ZMYM4: variants seen among roughly 807,000 people sequenced by gnomAD.
The protein encoded by ZMYM4 is zinc finger MYM-type containing 4.
ZMYM4 carries 31 observed loss-of-function variants against 183.2 expected under a neutral mutation model. That is an observed-to-expected ratio of 0.17 (90% CI 0.13 to 0.23). The LOEUF is 0.23. ZMYM4 is among the 10% of genes least tolerant of loss of function. The pLI, the probability that ZMYM4 is intolerant of heterozygous loss-of-function variation, is 1.00. For missense variants in ZMYM4, 1,273 were observed against 1,840.3 expected (o/e 0.69, Z 5.64); for synonymous variants, 592 against 631.2 (o/e 0.94, Z 0.93).
chr1:35,401,684 C>T (rs1213871238), intron 23 of ZMYM4, among the ~76,000 whole-genome samples: 1 of 152,038 alleles, frequency 6.6e-6, no homozygotes, highest in African/African-American at 2.4e-5. Context: ...AAAATTTTTG[C>T]CTAACTCATA....
At chr1:35,287,171 G>T (rs1035543206) in intron 1 of ZMYM4, among the ~76,000 whole-genome samples, 32 of 150,638 alleles carry the variant, frequency 2.1e-4, no homozygotes, top group Non-Finnish European at 3.0e-5. Flanking sequence ...TATTCCCTCA[G>T]CTTGTATTTT....
At chr1:35,388,809 T>A in intron 13 of ZMYM4, 101 bp from the exon 14 acceptor site, 2 of 1,081,994 alleles carry the variant, frequency 1.8e-6, no homozygotes, top group Non-Finnish European at 2.7e-6. Context: ...GTGTTGGGAT[T>A]ACAGGTGTGA....
At chr1:35,381,156 C>A in intron 7 of ZMYM4, 103 bp from the exon 8 acceptor site, 2 of 923,816 alleles carry the variant, frequency 2.2e-6, no homozygotes, top group Non-Finnish European at 3.1e-6. Flanking sequence ...GTGTTATTTC[C>A]CTACAGTATA....
intron 1 of ZMYM4, among the ~76,000 whole-genome samples, chr1:35,312,051 C>T (rs1353451697): frequency 6.6e-6 from 1 of 152,054 alleles, no homozygotes; most frequent in East Asian, 1.9e-4. Flanking sequence ...CATACCCTGC[C>T]TGTTTTTCTT....
intron 5 of ZMYM4, among the ~76,000 whole-genome samples, chr1:35,362,466 T>C (rs1053025019): frequency 2.0e-5 from 3 of 152,238 alleles, no homozygotes; most frequent in Admixed American, 1.3e-4. Flanking sequence ...AAAAAAGTTA[T>C]ATCAGATGCT....
intron 26 of ZMYM4, 78 bp downstream of exon 26, chr1:35,408,237 C>A (rs971029050): frequency 1.3e-6 from 2 of 1,522,400 alleles, no homozygotes; most frequent in South Asian, 1.2e-5. Flanking sequence ...ATTACATGCA[C>A]ATGTACACAC....
intron 3 of ZMYM4, 120 bp downstream of exon 3, chr1:35,359,566 TCA>T: frequency 3.8e-6 from 4 of 1,050,842 alleles, no homozygotes; most frequent in Non-Finnish European, 5.2e-6. Context: ...TGTAAGCTTG[TCA>T]TTTTTCTTTT....
intron 1 of ZMYM4, among the ~76,000 whole-genome samples, chr1:35,275,040 A>G (rs1639802651): frequency 6.6e-6 from 1 of 152,244 alleles, no homozygotes; most frequent in African/African-American, 2.4e-5. Flanking sequence ...ATTACATTCA[A>G]ACAAAGTTGA....
chr1:35,280,409 A>T (rs755263511), intron 1 of ZMYM4, among the ~76,000 whole-genome samples: 4 of 152,094 alleles, frequency 2.6e-5, no homozygotes, highest in Non-Finnish European at 5.9e-5. Context: ...AAGTGTTGGG[A>T]CTACAGGCAT....
chr1:35,318,170 T>C (rs1005679739), intron 1 of ZMYM4, among the ~76,000 whole-genome samples: 9 of 148,966 alleles, frequency 6.0e-5, no homozygotes, highest in African/African-American at 2.2e-4. Context: ...GTGATTCTCC[T>C]GCCTCACCCT....
chr1:35,306,094 T>G (rs1557961403), intron 1 of ZMYM4, among the ~76,000 whole-genome samples: 1 of 152,220 alleles, frequency 6.6e-6, no homozygotes, highest in Non-Finnish European at 1.5e-5. Context: ...TTCTTATTTG[T>G]GTCTTATTGA....
At chr1:35,350,529 C>T (rs952661294) in intron 2 of ZMYM4, among the ~76,000 whole-genome samples, 5 of 152,204 alleles carry the variant, frequency 3.3e-5, no homozygotes, top group East Asian at 1.9e-4. Flanking sequence ...TCAGGTAATC[C>T]GCCCACCCCA....
At chr1:35,365,382 T>C (rs1644049502) in intron 5 of ZMYM4, among the ~76,000 whole-genome samples, 1 of 151,874 alleles carries the variant, frequency 6.6e-6, no homozygotes, top group Admixed American at 6.6e-5. Context: ...GCCTTTTCCA[T>C]AGGGTCTAAA....
intron 7 of ZMYM4, among the ~76,000 whole-genome samples, chr1:35,374,209 T>G (rs1644283975): frequency 6.6e-6 from 1 of 151,680 alleles, no homozygotes; most frequent in Admixed American, 6.6e-5. Context: ...TTTTTTTGTA[T>G]TTTTAGTAGA....
At position 35,385,419 on chromosome 1, in the gene ZMYM4, ATGT is replaced by A. The variant is rs1288689277; in HGVS notation, c.1570-18_1570-16del. 1 of 1,592,094 alleles carries A rather than the reference ATGT, an allele frequency of 6.3e-7. No homozygotes were observed. Among genetic ancestry groups the A allele is most frequent in the East Asian group, 2.3e-5 (1 of 44,244 alleles). On this transcript the variant is annotated intron_variant, in intron 9 of 29. Transcript: ENST00000314607. The stretch of plus-strand genomic sequence containing the variant: ...TTTACTAGGAATTTGTTAAAAATGA[ATGT>A]TGTTTTATTCTCTTAATAGAAATCA...
intron 1 of ZMYM4, among the ~76,000 whole-genome samples, chr1:35,276,366 C>T (rs1639876573): frequency 6.7e-6 from 1 of 150,148 alleles, no homozygotes; most frequent in Non-Finnish European, 1.5e-5. Context: ...ACACACATCA[C>T]ATCATTTAAT....
At chr1:35,332,629 ACTT>A (rs1642804058) in intron 2 of ZMYM4, among the ~76,000 whole-genome samples, 2 of 151,978 alleles carry the variant, frequency 1.3e-5, no homozygotes, top group African/African-American at 4.8e-5. Flanking sequence ...AGGTCTTCTC[ACTT>A]CTTTTATGGT....
intron 2 of ZMYM4, among the ~76,000 whole-genome samples, chr1:35,334,619 A>G (rs1392207714): frequency 6.6e-6 from 1 of 152,188 alleles, no homozygotes; most frequent in African/African-American, 2.4e-5. Flanking sequence ...AGCAAGTTGT[A>G]AGCTTGTTTT....
chr1:35,325,926 A>G (rs1045780993), intron 2 of ZMYM4, among the ~76,000 whole-genome samples: 1 of 152,178 alleles, frequency 6.6e-6, no homozygotes, highest in South Asian at 2.1e-4. Context: ...ATAGCTATAC[A>G]TGGTGTATGG....
Sources: gnomAD v4.1 joint callset for allele counts (sites outside exome capture counted in the v4.1 genomes callset) on GRCh38, gnomAD v4.1.1 for gene constraint, MANE v1.5 for transcripts, NCBI Gene and HGNC (gene_info 2026-07-23, HGNC 2026-07-21) for gene names.